BDKRB2: variants seen among roughly 807,000 people sequenced by gnomAD.
The protein encoded by BDKRB2 is bradykinin receptor B2, also known as B2 bradykinin receptor.
BDKRB2 carries 6 observed loss-of-function variants against 4.0 expected under a neutral mutation model. That is an observed-to-expected ratio of 1.49 (90% CI 0.81 to 2.93). The LOEUF (loss-of-function observed/expected upper bound fraction) is 2.93, where lower values mean the gene tolerates loss of function less well. Among genes scored for constraint, BDKRB2 ranks in the 30% most tolerant of loss-of-function variants. The pLI, the probability that BDKRB2 is intolerant of heterozygous loss-of-function variation, is 0.00. For synonymous variants in BDKRB2, 225 were observed against 215.3 expected (o/e 1.05, Z -0.40); for missense variants, 478 against 520.1 (o/e 0.92, Z 0.79).
At chr14:96,215,922 G>A (rs968666224) in intron 1 of BDKRB2, among the ~76,000 whole-genome samples, 5 of 152,166 alleles carry the variant, frequency 3.3e-5, no homozygotes, top group African/African-American at 9.7e-5. Flanking sequence ...TGCAGTAAGC[G>A]CAGACACAGA....
At position 96,242,428 on chromosome 14, in the gene BDKRB2, C is replaced by T. The variant is rs199828613; in HGVS notation, c.*924C>T. On this transcript the variant is annotated 3_prime_UTR_variant, in exon 3 of 3. Coordinates refer to ENST00000554311, the MANE Select transcript of BDKRB2 (RefSeq NM_001379692.1). ...GTACTTAGAAAAGCAAAGGGTGCTACGTACATGTGAGGCATCATTACGCAG... is the reference window on the plus strand; with the variant it reads ...GTACTTAGAAAAGCAAAGGGTGCTATGTACATGTGAGGCATCATTACGCAG... 5.9e-5 allele frequency: 9 copies of T among 152,196 alleles called. No homozygotes were observed. The highest frequency in any genetic ancestry group is 2.2e-4 in the African/African-American group (9 of 41,440). The allele number at this position is 152,196 out of a possible 1,614,324, so 9.4% of individuals were successfully genotyped here.
intron 2 of BDKRB2, chr14:96,239,212 G>T (rs1885197993): frequency 1.0e-6 from 1 of 985,048 alleles, no homozygotes; most frequent in Admixed American, 6.2e-5. Context: ...TCTGGGTTGT[G>T]CTTTGGACTT....
chr14:96,226,843 G>A (rs1333703643), intron 1 of BDKRB2, among the ~76,000 whole-genome samples: 1 of 152,182 alleles, frequency 6.6e-6, no homozygotes, highest in Non-Finnish European at 1.5e-5. Flanking sequence ...CCAGGATTCT[G>A]TAAGGTTAAT....
At chr14:96,226,986 C>G (rs370684332) in intron 1 of BDKRB2, among the ~76,000 whole-genome samples, 2 of 152,204 alleles carry the variant, frequency 1.3e-5, no homozygotes, top group East Asian at 3.9e-4. Context: ...AACCTGAGTC[C>G]CTCTAACCTG....
chr14:96,215,670 A>G (rs1245374269), intron 1 of BDKRB2, among the ~76,000 whole-genome samples: 4 of 152,244 alleles, frequency 2.6e-5, no homozygotes, highest in South Asian at 4.1e-4. Flanking sequence ...AAACTAGATT[A>G]TTTTTATGTT....
intron 2 of BDKRB2, chr14:96,237,945 G>A: frequency 8.2e-7 from 1 of 1,214,082 alleles, no homozygotes; most frequent in Admixed American, 2.9e-5. Context: ...CATGAAAGAT[G>A]ACAGACTCTC....
chr14:96,240,307 G>A (rs1316972154), intron 2 of BDKRB2, 96 bp from the exon 3 acceptor site: 1 of 1,355,680 alleles, frequency 7.4e-7, no homozygotes, highest in East Asian at 2.7e-5. Context: ...TCCTTGCCCT[G>A]GCTGGTTGTC....
At chr14:96,233,803 G>A (rs1306129130) in intron 1 of BDKRB2, 2 of 152,234 alleles carry the variant, frequency 1.3e-5, no homozygotes, top group East Asian at 1.9e-4. Flanking sequence ...GGCCCACGGT[G>A]TCTGTGCGAG....
chr14:96,209,378 AG>A (rs1890254506), intron 1 of BDKRB2, among the ~76,000 whole-genome samples: 2 of 152,220 alleles, frequency 1.3e-5, no homozygotes, highest in Admixed American at 6.5e-5. Flanking sequence ...AACTGACTGA[AG>A]CAGGTCTCAA....
chr14:96,233,508 T>A (rs1475351903), intron 1 of BDKRB2: 3 of 152,220 alleles, frequency 2.0e-5, no homozygotes, highest in African/African-American at 7.2e-5. Flanking sequence ...TGGAGTCTGG[T>A]GTCCTGCTTC....
intron 1 of BDKRB2, among the ~76,000 whole-genome samples, chr14:96,210,467 T>C (rs1459254661): frequency 6.6e-6 from 1 of 152,204 alleles, no homozygotes; most frequent in Non-Finnish European, 1.5e-5. Flanking sequence ...CCTGGGGAGA[T>C]CAGCACCATC....
chr14:96,238,003 G>A (rs1890977535), intron 2 of BDKRB2: 2 of 1,178,512 alleles, frequency 1.7e-6, no homozygotes, highest in African/African-American at 1.6e-5. Context: ...TACAGAAATG[G>A]GGTTGAGGGT....
In BDKRB2 at chr14:96,243,852, A is replaced by C; in HGVS notation, c.*2348A>C. 1 of 253,780 alleles carries C rather than the reference A, an allele frequency of 3.9e-6. No homozygotes were observed. The highest frequency in any genetic ancestry group is 7.4e-6 in the Non-Finnish European group (1 of 135,260). 15.7% of individuals were successfully genotyped at this position (253,780 alleles called of 1,614,324 possible). On this transcript the variant is annotated 3_prime_UTR_variant, in exon 3 of 3. Transcript: ENST00000554311. Reference sequence around the variant, plus strand: ...GCCACACATGGTGAATGAAAAAAAAAAAAAGAGGCTGTGTTTTGTCACACA... The same window carrying C: ...GCCACACATGGTGAATGAAAAAAAACAAAAGAGGCTGTGTTTTGTCACACA...
intron 1 of BDKRB2, among the ~76,000 whole-genome samples, chr14:96,230,120 C>A (rs1890785000): frequency 6.6e-6 from 1 of 150,612 alleles, no homozygotes; most frequent in South Asian, 2.1e-4. Flanking sequence ...GGCTACAGAG[C>A]GAGACTCCGT....
At chr14:96,232,021 G>A (rs1890830123) in intron 1 of BDKRB2, among the ~76,000 whole-genome samples, 1 of 152,204 alleles carries the variant, frequency 6.6e-6, no homozygotes, top group Non-Finnish European at 1.5e-5. Context: ...ATCCGGCTGT[G>A]TAATGAATGA....
chr14:96,233,715 G>T (rs767325937), intron 1 of BDKRB2: 3 of 152,178 alleles, frequency 2.0e-5, no homozygotes, highest in Admixed American at 2.0e-4. Flanking sequence ...CTGCTTCAAA[G>T]GCCCTAAGGT....
At chr14:96,234,941 G>A (rs140084361) in intron 1 of BDKRB2, among the ~76,000 whole-genome samples, 3 of 152,300 alleles carry the variant, frequency 2.0e-5, no homozygotes, top group East Asian at 3.9e-4. Flanking sequence ...TTCTCAGCTG[G>A]ACAGTTCAGC....
chr14:96,207,686 G>C (rs1299275723), intron 1 of BDKRB2, among the ~76,000 whole-genome samples: 1 of 152,070 alleles, frequency 6.6e-6, no homozygotes, highest in Non-Finnish European at 1.5e-5. Flanking sequence ...CAGTAACGGG[G>C]GAGGCTACGT....
chr14:96,240,712 G>A lies in BDKRB2; in HGVS notation c.384G>A (p.Thr128=), dbSNP rs199727781. 3.2e-5 allele frequency: 51 copies of A among 1,600,830 alleles called. No homozygotes were observed. The East Asian group carries it at 6.5e-4, about 20-fold the overall frequency. Residue 128 remains threonine (T), a synonymous_variant, in exon 3 of 3, where the codon ACG becomes ACA. Transcript: ENST00000554311. ...ACTTCGACTGGCTCTTTGGGGAGACGCTCTGCCGCGTGGTGAATGCCATTA... is the reference window on the plus strand; with the variant it reads ...ACTTCGACTGGCTCTTTGGGGAGACACTCTGCCGCGTGGTGAATGCCATTA... The part of the protein sequence containing the change: ...SNNFDWLFGE[T]LCRVVNAIIS...
Sources: gnomAD v4.1 joint callset for allele counts (sites outside exome capture counted in the v4.1 genomes callset) on GRCh38, gnomAD v4.1.1 for gene constraint, MANE v1.5 for transcripts, NCBI Gene and HGNC (gene_info 2026-07-23, HGNC 2026-07-21) for gene names.